Variants in CAMK2G observed in about 807,000 individuals in gnomAD.
The protein encoded by CAMK2G is calcium/calmodulin dependent protein kinase II gamma.
Under a neutral mutation model 88.7 loss-of-function variants are expected in CAMK2G, and 23 were observed. That is an observed-to-expected ratio of 0.26 (90% confidence interval 0.19 to 0.37). CAMK2G has a LOEUF of 0.37. Ranked by LOEUF, CAMK2G falls within the 10% of genes least tolerant of loss-of-function variation. The pLI is 1.00. For synonymous variants in CAMK2G, 263 were observed against 294.8 expected (o/e 0.89, Z 1.11); for missense variants, 476 against 780.8 (o/e 0.61, Z 4.65).
Position 73,848,645 on chromosome 10 carries a change from C to G in CAMK2G, c.518-36G>C. On this transcript the variant is annotated intron_variant, in intron 7 of 22. Transcript: ENST00000423381. The surrounding 1 kb of genome is among the most constrained non-coding windows in gnomAD (Gnocchi z 4.5). Reference sequence around the variant, plus strand: ...AGAGAGGGCAGAGGCATACTGAACCCACTTTCTCTCTCGTTAAATCCACAC... The same window carrying G: ...AGAGAGGGCAGAGGCATACTGAACCGACTTTCTCTCTCGTTAAATCCACAC... 1 of 1,225,636 alleles carries G rather than the reference C, an allele frequency of 8.2e-7. No individual in the cohort carries two copies. Among genetic ancestry groups the G allele is most frequent in the Non-Finnish European group, 1.2e-6 (1 of 844,108 alleles). The allele number at this position is 1,225,636 out of a possible 1,614,324, so 75.9% of individuals were successfully genotyped here. A position where few individuals can be genotyped will look rare whatever the true frequency, so the allele number is the denominator to read the frequency against.
At chr10:73,818,816 G>A (rs1366426055) in intron 19 of CAMK2G, 2 of 456,184 alleles carry the variant, frequency 4.4e-6, no homozygotes, top group Non-Finnish European at 8.8e-6. Context: ...CGGGCGAAGA[G>A]GGTTGTGCTT....
chr10:73,855,870 A>G (rs917695238), intron 3 of CAMK2G, among the ~76,000 whole-genome samples: 2 of 152,256 alleles, frequency 1.3e-5, no homozygotes, highest in African/African-American at 4.8e-5. Flanking sequence ...AGAAATTAAC[A>G]GGACACTGAA....
At chr10:73,816,777 T>C (rs544215515) in intron 21 of CAMK2G, 4 of 1,475,976 alleles carry the variant, frequency 2.7e-6, no homozygotes, top group East Asian at 2.8e-5. Context: ...GTGAGCTTGA[T>C]TGTGGTGACT....
intron 2 of CAMK2G, among the ~76,000 whole-genome samples, chr10:73,869,092 T>C (rs1000597645): frequency 1.3e-5 from 2 of 152,204 alleles, no homozygotes; most frequent in African/African-American, 4.8e-5. Context: ...AGAGCAACTG[T>C]TGTTGCAGAT....
At chr10:73,857,538 G>A (rs1032916121) in intron 3 of CAMK2G, among the ~76,000 whole-genome samples, 1 of 152,168 alleles carries the variant, frequency 6.6e-6, no homozygotes, top group African/African-American at 2.4e-5. Flanking sequence ...TCCTACCCCA[G>A]ACCCCCTGAA....
In CAMK2G at chr10:73,812,649, T is replaced by C. The variant is rs949212312; in HGVS notation, c.*1869A>G. ...AAAATTCTGCATCAAATGCCTTCCG[T>C]TTCTTGTTTAAAAGGTGATTTTTTA... On this transcript the variant is annotated 3_prime_UTR_variant, in exon 23 of 23. Transcript: ENST00000423381. The C allele has an allele frequency of 6.5e-6, 1 of 152,676 alleles. No individual in the cohort carries two copies. Among genetic ancestry groups the C allele is most frequent in the Non-Finnish European group, 1.5e-5 (1 of 68,038 alleles). The allele number at this position is 152,676 out of a possible 1,614,324, so 9.5% of individuals were successfully genotyped here. A position where few individuals can be genotyped will look rare whatever the true frequency, so the allele number is the denominator to read the frequency against.
chr10:73,825,623 C>T lies in CAMK2G; in HGVS notation c.1087-276G>A, dbSNP rs559009008. Among the ~76,000 whole-genome samples, 3 of 152,294 alleles carry T rather than the reference C, an allele frequency of 2.0e-5. No individual in the cohort carries two copies. The East Asian group carries it at 5.8e-4, about 29-fold the overall frequency. The stretch of plus-strand genomic sequence containing the variant: ...CAGAAATCTCTGCTTATGCCAGGTG[C>T]CAGGTCATTGCAAAATCCACACCTG... On this transcript the variant is annotated intron_variant, in intron 15 of 22. Coordinates refer to ENST00000423381, the MANE Select transcript of CAMK2G (RefSeq NM_001367534.1).
chr10:73,820,023 G>C (rs2087322662), intron 18 of CAMK2G, among the ~76,000 whole-genome samples: 1 of 152,184 alleles, frequency 6.6e-6, no homozygotes, highest in Non-Finnish European at 1.5e-5. Flanking sequence ...AAACTGATCT[G>C]ACCTCACTCA....
In CAMK2G at chr10:73,819,541, A is replaced by T; in HGVS notation, c.1354T>A (p.Ser452Thr). 6.5e-7 allele frequency: 1 copy of T among 1,548,354 alleles called. No homozygotes were observed. Among genetic ancestry groups the T allele is most frequent in the East Asian group, 2.4e-5 (1 of 40,914 alleles). Residue 452 changes from serine (S) to threonine (T), a missense_variant, in exon 19 of 23, where the codon TCC (serine) becomes ACC (threonine). By Grantham distance (58) the Ser-to-Thr change is moderately conservative. Coordinates refer to ENST00000423381, the MANE Select transcript of CAMK2G (RefSeq NM_001367534.1). Reference sequence around the variant, plus strand: ...CCTCCCTCACACTTACTGGCTGAGGAGCAGAGAGAAGGCTGGGGCTGCATG... The same window carrying T: ...CCTCCCTCACACTTACTGGCTGAGGTGCAGAGAGAAGGCTGGGGCTGCATG... ...AGMQPQPSLC[S>T]SAMRKQEIIK...
At chr10:73,832,264 A>G (rs1184774163) in intron 14 of CAMK2G, among the ~76,000 whole-genome samples, 3 of 152,076 alleles carry the variant, frequency 2.0e-5, no homozygotes, top group Non-Finnish European at 4.4e-5. Flanking sequence ...AATATCTACA[A>G]ACACGTTTCT....
At chr10:73,829,266 T>TTTATTTA (rs2091898263) in intron 14 of CAMK2G, among the ~76,000 whole-genome samples, 2 of 140,982 alleles carry the variant, frequency 1.4e-5, no homozygotes, top group Non-Finnish European at 3.1e-5. Flanking sequence ...TACATTGGCC[T>TTTATTTA]TTTATTTATT....
intron 14 of CAMK2G, among the ~76,000 whole-genome samples, chr10:73,834,067 T>C (rs1403201576): frequency 6.6e-6 from 1 of 151,728 alleles, no homozygotes; most frequent in Admixed American, 6.6e-5. Flanking sequence ...TACAGGCGCC[T>C]GCCACCACGC....
chr10:73,861,527 T>C (rs1168187938), intron 2 of CAMK2G, among the ~76,000 whole-genome samples: 3 of 152,196 alleles, frequency 2.0e-5, no homozygotes, highest in Non-Finnish European at 4.4e-5. Flanking sequence ...GGCTAATTTT[T>C]GTATTTTTAG....
chr10:73,820,992 TAG>T (rs2088421754), intron 18 of CAMK2G, among the ~76,000 whole-genome samples: 2 of 152,040 alleles, frequency 1.3e-5, no homozygotes, highest in Non-Finnish European at 2.9e-5. Flanking sequence ...GTATTTTTAG[TAG>T]AGACGGGGTT....
Position 73,842,511 on chromosome 10 carries a change from G to A in CAMK2G, c.850C>T (p.Arg284Cys). Residue 284 changes from arginine (R) to cysteine (C), a missense_variant, in exon 11 of 23, where the codon CGT (arginine) becomes TGT (cysteine). Arg to Cys is a radical substitution (Grantham distance 180, BLOSUM62 -3). Around this residue, in one of 3 missense-constraint regions of CAMK2G, gnomAD observed 164 missense variants for 385.6 expected, o/e 0.43. Coordinates refer to ENST00000423381, the MANE Select transcript of CAMK2G (RefSeq NM_001367534.1). The surrounding 1 kb of genome is among the most constrained non-coding windows in gnomAD (Gnocchi z 4.6). ...QRSTVASMMH[R>C]QETVECLRKF... ...CGCAAACACTCCACAGTCTCCTGACGATGCATCATGGATGCCACCGTGGAT... is the reference window on the plus strand; with the variant it reads ...CGCAAACACTCCACAGTCTCCTGACAATGCATCATGGATGCCACCGTGGAT... 6.2e-7 allele frequency: 1 copy of A among 1,613,724 alleles called. No homozygotes were observed. The highest frequency in any genetic ancestry group is 8.5e-7 in the Non-Finnish European group (1 of 1,179,676).
chr10:73,830,279 TA>T (rs2092209498), intron 14 of CAMK2G, among the ~76,000 whole-genome samples: 1 of 152,306 alleles, frequency 6.6e-6, no homozygotes, highest in African/African-American at 2.4e-5. Context: ...GAGGTCTTTT[TA>T]TTATTTTTTT....
chr10:73,837,736 G>A (rs1398228851), intron 13 of CAMK2G, among the ~76,000 whole-genome samples: 1 of 152,166 alleles, frequency 6.6e-6, no homozygotes, highest in Non-Finnish European at 1.5e-5. Flanking sequence ...CGTGGAGGAG[G>A]GCATGGATGC....
chr10:73,848,478 G>A lies in CAMK2G; in HGVS notation c.601+48C>T, dbSNP rs980099709. ...TGCCTCTTTCTTGCCATCATCGGAA[G>A]TTGAGGGCCCTTAACAGCGAAAAGC... On this transcript the variant is annotated intron_variant, in intron 8 of 22. Coordinates refer to ENST00000423381, the MANE Select transcript of CAMK2G (RefSeq NM_001367534.1). The surrounding 1 kb of genome is among the most constrained non-coding windows in gnomAD (Gnocchi z 4.5). 1.6e-6 allele frequency: 2 copies of A among 1,219,328 alleles called. No individual in the cohort carries two copies. Among genetic ancestry groups the A allele is most frequent in the African/African-American group, 1.5e-5 (1 of 67,296 alleles). The allele number at this position is 1,219,328 out of a possible 1,614,324, so 75.5% of individuals were successfully genotyped here. A position where few individuals can be genotyped will look rare whatever the true frequency, so the allele number is the denominator to read the frequency against.
At chr10:73,829,282 A>ATTTT (rs1291260263) in intron 14 of CAMK2G, among the ~76,000 whole-genome samples, 2 of 149,384 alleles carry the variant, frequency 1.3e-5, no homozygotes, top group African/African-American at 2.5e-5. Flanking sequence ...TTATTTATTT[A>ATTTT]TTTATTTATT....
Sources: gnomAD v4.1 joint callset for allele counts (sites outside exome capture counted in the v4.1 genomes callset) on GRCh38, gnomAD v4.1.1 for gene constraint, gnomAD v4.1.1 regional missense constraint, Gnocchi (gnomAD v3.1) non-coding constraint, MANE v1.5 for transcripts, NCBI Gene and HGNC (gene_info 2026-07-23, HGNC 2026-07-21) for gene names.